NFIA: variants seen among roughly 807,000 people sequenced by gnomAD.
NFIA encodes the protein nuclear factor I A.
In NFIA, 8 loss-of-function variants were observed where a neutral mutation model predicts 62.8. The ratio of observed to expected loss-of-function variants is 0.13; its 90% confidence interval spans 0.07 to 0.23. The LOEUF (loss-of-function observed/expected upper bound fraction) is 0.23, where lower values mean the gene tolerates loss of function less well. NFIA is among the 10% of genes least tolerant of loss of function. NFIA has a pLI of 1.00. For missense variants in NFIA, 410 were observed against 642.1 expected (o/e 0.64, Z 3.91); for synonymous variants, 235 against 238.1 (o/e 0.99, Z 0.12).
intron 4 of NFIA, among the ~76,000 whole-genome samples, chr1:61,333,956 C>T (rs948615378): frequency 1.3e-5 from 2 of 152,188 alleles, no homozygotes; most frequent in Admixed American, 6.5e-5. Flanking sequence ...GCTGAGATCA[C>T]ACTACCACAC....
rs775845226 is a variant in NFIA, at chr1:61,332,505, T to C, written c.626-7T>C. The C allele has an allele frequency of 2.5e-6, 4 of 1,613,486 alleles. No homozygotes were observed. Among genetic ancestry groups the C allele is most frequent in the Non-Finnish European group, 1.7e-6 (2 of 1,179,680 alleles). On this transcript the variant is annotated splice_region_variant and splice_polypyrimidine_tract_variant and intron_variant, in intron 3 of 10. Coordinates refer to ENST00000403491, the MANE Select transcript of NFIA (RefSeq NM_001134673.4). Reference sequence around the variant, plus strand: ...CACTTTGTTTTCTTTTGTTTTTGTTTCCCCAGGACATTTGGGCTTCCAGGA... The same window carrying C: ...CACTTTGTTTTCTTTTGTTTTTGTTCCCCCAGGACATTTGGGCTTCCAGGA...
chr1:61,278,748 G>A (rs1218114004), intron 3 of NFIA, among the ~76,000 whole-genome samples: 3 of 152,118 alleles, frequency 2.0e-5, no homozygotes, highest in Admixed American at 6.5e-5. Context: ...CTGAGATTGC[G>A]CCACTGCACT....
At chr1:61,447,679 CT>C (rs1221489329) in intron 10 of NFIA, among the ~76,000 whole-genome samples, 1 of 152,088 alleles carries the variant, frequency 6.6e-6, no homozygotes, top group Non-Finnish European at 1.5e-5. Context: ...GTGGCGCAGG[CT>C]CAATTTAATG....
chr1:61,183,612 T>C (rs1650907996), intron 2 of NFIA, among the ~76,000 whole-genome samples: 2 of 152,204 alleles, frequency 1.3e-5, no homozygotes. Context: ...ACTTGCTCCT[T>C]TGGCCCCCAC....
chr1:61,101,171 A>C (rs545492674), intron 2 of NFIA, among the ~76,000 whole-genome samples: 1 of 152,122 alleles, frequency 6.6e-6, no homozygotes, highest in Non-Finnish European at 1.5e-5. Context: ...TGAGGCAGGC[A>C]CATCACCTGA....
At chr1:61,326,858 G>A (rs932857871) in intron 3 of NFIA, among the ~76,000 whole-genome samples, 6 of 151,940 alleles carry the variant, frequency 3.9e-5, no homozygotes, top group Non-Finnish European at 8.8e-5. Flanking sequence ...TCAGGGGATG[G>A]CAGTGAAGCA....
chr1:61,296,380 C>G (rs1461568428), intron 3 of NFIA, among the ~76,000 whole-genome samples: 1 of 152,078 alleles, frequency 6.6e-6, no homozygotes, highest in Non-Finnish European at 1.5e-5. Context: ...TTTGAATTGG[C>G]TTTTACTTAG....
At position 61,088,560 on chromosome 1, in the gene NFIA, G is replaced by A; in HGVS notation, c.439G>A (p.Gly147Ser). 6.2e-7 allele frequency: 1 copy of A among 1,614,136 alleles called. No individual in the cohort carries two copies. The highest frequency in any genetic ancestry group is 2.2e-5 in the East Asian group (1 of 44,878). The change falls in exon 2 of 11, where the codon GGC becomes AGC. Residue 147 changes from glycine (G) to serine (S), a missense_variant. Transcript: ENST00000403491. The surrounding 1 kb of genome is among the most constrained non-coding windows in gnomAD (Gnocchi z 4.5). ...AGGTATTCCGCTGGAAAGTACTGATGGCGAGCGCCTTGTAAAGTCCCCACA... is the reference window on the plus strand; with the variant it reads ...AGGTATTCCGCTGGAAAGTACTGATAGCGAGCGCCTTGTAAAGTCCCCACA... ...FKGIPLESTD[G>S]ERLVKSPQCS...
At chr1:61,363,519 G>T (rs1027671984) in intron 6 of NFIA, among the ~76,000 whole-genome samples, 1 of 151,800 alleles carries the variant, frequency 6.6e-6, no homozygotes, top group Non-Finnish European at 1.5e-5. Flanking sequence ...CAGGAGAATT[G>T]GTTGAACCTG....
chr1:61,205,320 A>G (rs990305064), intron 2 of NFIA, among the ~76,000 whole-genome samples: 1 of 152,230 alleles, frequency 6.6e-6, no homozygotes, highest in African/African-American at 2.4e-5. Context: ...ATTTCTGTGC[A>G]GGTCCATTTA....
At chr1:61,268,854 A>T (rs1315107860) in intron 2 of NFIA, among the ~76,000 whole-genome samples, 1 of 152,098 alleles carries the variant, frequency 6.6e-6, no homozygotes, top group Non-Finnish European at 1.5e-5. Flanking sequence ...ATGCATATTT[A>T]ATTAGCAAGG....
intron 5 of NFIA, among the ~76,000 whole-genome samples, chr1:61,358,379 C>CTTTCTTTCTT (rs71582639): frequency 3.8e-5 from 2 of 52,616 alleles, no homozygotes; most frequent in African/African-American, 1.7e-4. Context: ...TTCTTTCTTT[C>CTTTCTTTCTT]TTTTTTTTTT....
At chr1:61,248,701 ACTCTAGGCATG>A (rs1281845148) in intron 2 of NFIA, among the ~76,000 whole-genome samples, 1 of 152,072 alleles carries the variant, frequency 6.6e-6, no homozygotes, top group East Asian at 1.9e-4. Context: ...AGAAACTTCC[ACTCTAGGCATG>A]CTCAATAAAT....
intron 7 of NFIA, among the ~76,000 whole-genome samples, chr1:61,389,963 C>T (rs1487723555): frequency 2.0e-5 from 3 of 152,166 alleles, no homozygotes; most frequent in Non-Finnish European, 4.4e-5. Context: ...TTATCAGGCT[C>T]TTACAGTGTA....
chr1:61,392,364 T>C (rs1344181187), intron 7 of NFIA, among the ~76,000 whole-genome samples: 1 of 151,848 alleles, frequency 6.6e-6, no homozygotes, highest in African/African-American at 2.4e-5. Flanking sequence ...TAAACAAAAG[T>C]CAGGAAGCGT....
intron 2 of NFIA, among the ~76,000 whole-genome samples, chr1:61,100,913 AT>A (rs1646496479): frequency 6.6e-6 from 1 of 150,506 alleles, no homozygotes; most frequent in African/African-American, 2.4e-5. Flanking sequence ...AGTTTTAAAC[AT>A]TTGTAGAACC....
At chr1:61,234,852 T>C (rs185451018) in intron 2 of NFIA, among the ~76,000 whole-genome samples, 1 of 152,294 alleles carries the variant, frequency 6.6e-6, no homozygotes, top group African/African-American at 2.4e-5. Flanking sequence ...TTATGTTGTT[T>C]TACTTTTTTT....
chr1:61,385,208 G>A (rs1182691348), intron 7 of NFIA, among the ~76,000 whole-genome samples: 1 of 151,764 alleles, frequency 6.6e-6, no homozygotes, highest in Non-Finnish European at 1.5e-5. Flanking sequence ...CTGCACTCCA[G>A]CCTGGGCAAC....
At chr1:61,136,711 T>G (rs1395115361) in intron 2 of NFIA, among the ~76,000 whole-genome samples, 2 of 152,206 alleles carry the variant, frequency 1.3e-5, no homozygotes, top group Non-Finnish European at 2.9e-5. Context: ...TGGATCTTTA[T>G]ATGCTGGGAG....
Sources: allele counts gnomAD v4.1 joint callset (sites outside exome capture counted in the v4.1 genomes callset), GRCh38; gene constraint gnomAD v4.1.1; non-coding constraint Gnocchi (gnomAD v3.1); transcripts MANE v1.5; gene names NCBI Gene and HGNC (gene_info 2026-07-23, HGNC 2026-07-21).